VAV2: variants seen among roughly 807,000 people sequenced by gnomAD.
VAV2 encodes guanine nucleotide exchange factor VAV2.
A neutral mutation model predicts 132.5 loss-of-function variants in VAV2; 67 were observed. That is an observed-to-expected ratio of 0.51 (90% CI 0.42 to 0.62). The LOEUF (loss-of-function observed/expected upper bound fraction) is 0.62. VAV2 is among the 20% of genes least tolerant of loss of function. The pLI is 0.00. For missense variants in VAV2, 938 were observed against 1,153.6 expected (o/e 0.81, Z 2.71); for synonymous variants, 492 against 443.5 (o/e 1.11, Z -1.37).
chr9:133,888,455 T>C (rs777137321), intron 2 of VAV2, among the ~76,000 whole-genome samples: 4 of 152,196 alleles, frequency 2.6e-5, no homozygotes, highest in Non-Finnish European at 5.9e-5. Flanking sequence ...TCCAGCTCTT[T>C]TGAACCCAAG....
At chr9:133,897,326 G>C (rs927434626) in intron 2 of VAV2, among the ~76,000 whole-genome samples, 2 of 152,148 alleles carry the variant, frequency 1.3e-5, no homozygotes, top group Non-Finnish European at 2.9e-5. Context: ...CACTGGGTCA[G>C]GAGCCCAGCA....
intron 2 of VAV2, among the ~76,000 whole-genome samples, chr9:133,881,357 G>A (rs1354658558): frequency 6.6e-6 from 1 of 152,230 alleles, no homozygotes. Context: ...AGTGAGACGG[G>A]GCTTGTGAAC....
At chr9:133,936,866 A>G (rs962294872) in intron 2 of VAV2, among the ~76,000 whole-genome samples, 5 of 152,210 alleles carry the variant, frequency 3.3e-5, no homozygotes, top group Admixed American at 3.3e-4. Flanking sequence ...GGGAGACCAG[A>G]GGCCAGCATG....
intron 4 of VAV2, among the ~76,000 whole-genome samples, chr9:133,822,473 G>A (rs923552977): frequency 3.9e-5 from 6 of 152,208 alleles, no homozygotes; most frequent in Non-Finnish European, 8.8e-5. Context: ...GGGGAAGGAC[G>A]GACGGAGAGA....
intron 3 of VAV2, among the ~76,000 whole-genome samples, chr9:133,844,033 A>AC (rs2131818480): frequency 6.6e-6 from 1 of 152,030 alleles, no homozygotes; most frequent in African/African-American, 2.4e-5. Flanking sequence ...ACCCCACGTG[A>AC]CCCCCAATCC....
At chr9:133,921,117 G>A (rs1356007577) in intron 2 of VAV2, among the ~76,000 whole-genome samples, 3 of 152,186 alleles carry the variant, frequency 2.0e-5, no homozygotes, top group Non-Finnish European at 4.4e-5. Flanking sequence ...CTATTCAGAG[G>A]AGTCCTTGGA....
rs764508845 is a variant in VAV2, at chr9:133,802,923, G to T, written c.836+3158C>A. 1.8e-4 allele frequency among the ~76,000 whole-genome samples: 27 copies of T among 152,216 alleles called. No homozygotes were observed. Among genetic ancestry groups the T allele is most frequent in the Non-Finnish European group, 3.4e-4 (23 of 68,038 alleles). On this transcript the variant is annotated intron_variant, in intron 9 of 29. Transcript: ENST00000371850. The surrounding 1 kb of genome is among the most constrained non-coding windows in gnomAD (Gnocchi z 5.8). ...CCGTTTCCCCATCTGGGAAATGGGGGTTAGACAGAGCGGGAGCTGAGGCTT... is the reference window on the plus strand; with the variant it reads ...CCGTTTCCCCATCTGGGAAATGGGGTTTAGACAGAGCGGGAGCTGAGGCTT...
intron 3 of VAV2, among the ~76,000 whole-genome samples, chr9:133,843,361 T>C (rs913003418): frequency 6.6e-6 from 1 of 152,068 alleles, no homozygotes; most frequent in Admixed American, 6.5e-5. Context: ...AGCTCTGACT[T>C]TGTTTGGGTT....
chr9:133,898,129 G>C (rs538842847), intron 2 of VAV2, among the ~76,000 whole-genome samples: 1 of 152,218 alleles, frequency 6.6e-6, no homozygotes, highest in South Asian at 2.1e-4. Flanking sequence ...CTGAGGCTGG[G>C]AGGGACCTCG....
At chr9:133,982,652 TG>T (rs1461237157) in intron 1 of VAV2, among the ~76,000 whole-genome samples, 1 of 152,100 alleles carries the variant, frequency 6.6e-6, no homozygotes, top group Non-Finnish European at 1.5e-5. Flanking sequence ...GCCCACCACC[TG>T]GTTTTGCAGG....
rs1588151132 is a variant in VAV2, at chr9:133,769,343, G to C, written c.2434+74C>G. 2.0e-6 allele frequency: 3 copies of C among 1,469,356 alleles called. No homozygotes were observed. Among genetic ancestry groups the C allele is most frequent in the Admixed American group, 4.2e-5 (2 of 47,190 alleles). 91.0% of individuals were successfully genotyped at this position (1,469,356 alleles called of 1,614,324 possible). A position where few individuals can be genotyped will look rare whatever the true frequency, so the allele number is the denominator to read the frequency against. On this transcript the variant is annotated intron_variant, in intron 28 of 29. Transcript: ENST00000371850. This position sits in a 1 kb window ranked among gnomAD's most constrained non-coding sequence, Gnocchi z 8.1. ...GTCAGGCAGGGCTGTGGGGCCAGTG[G>C]GCAGCTCCGTGCTGGGTCTCCCAAG...
intron 13 of VAV2, among the ~76,000 whole-genome samples, chr9:133,791,405 C>G (rs1351231474): frequency 1.3e-5 from 2 of 152,102 alleles, no homozygotes; most frequent in African/African-American, 2.4e-5. Context: ...CAGGGGTCCA[C>G]GAACCAGGGG....
chr9:133,839,005 T>C (rs1477903838), intron 3 of VAV2, among the ~76,000 whole-genome samples: 1 of 142,672 alleles, frequency 7.0e-6, no homozygotes, highest in East Asian at 2.1e-4. Flanking sequence ...GGTGGGTAGA[T>C]GGATGGATGG....
At chr9:133,965,426 G>C (rs148386702) in intron 1 of VAV2, among the ~76,000 whole-genome samples, 18 of 149,286 alleles carry the variant, frequency 1.2e-4, no homozygotes, top group African/African-American at 3.5e-4. Flanking sequence ...TTGAACCCAC[G>C]AGATGAAGGT....
At chr9:133,847,005 A>T (rs1025439618) in intron 3 of VAV2, among the ~76,000 whole-genome samples, 5 of 152,174 alleles carry the variant, frequency 3.3e-5, no homozygotes, top group African/African-American at 1.2e-4. Context: ...GGGTGGTGCC[A>T]GCCGTGGGCC....
intron 1 of VAV2, among the ~76,000 whole-genome samples, chr9:133,972,683 G>A (rs893795739): frequency 6.6e-6 from 1 of 152,198 alleles, no homozygotes; most frequent in Non-Finnish European, 1.5e-5. Flanking sequence ...CAGATCCGAA[G>A]GCAGCGGAGG....
chr9:133,934,328 A>C (rs1184714298), intron 2 of VAV2, among the ~76,000 whole-genome samples: 1 of 152,204 alleles, frequency 6.6e-6, no homozygotes, highest in Non-Finnish European at 1.5e-5. Context: ...CATTTCCTAA[A>C]CCAGCCAGAG....
In VAV2 at chr9:133,992,283, C is replaced by G. The variant is rs779423810; in HGVS notation, c.-5G>C. 11 of 1,536,184 alleles carry G rather than the reference C, an allele frequency of 7.2e-6. No homozygotes were observed. Among genetic ancestry groups the G allele is most frequent in the Non-Finnish European group, 9.6e-6 (11 of 1,141,346 alleles). On this transcript the variant is annotated 5_prime_UTR_variant, in exon 1 of 30. Coordinates refer to ENST00000371850, the MANE Select transcript of VAV2 (RefSeq NM_001134398.2). The surrounding 1 kb of genome is among the most constrained non-coding windows in gnomAD (Gnocchi z 5.5). ...GCACTGCCGCCACTGCTCCATGGCG[C>G]CCGCGGGCCCGACCGGCTCAGGGCA... is the stretch of plus-strand genomic sequence containing the variant.
chr9:133,913,214 C>CA (rs1491442036), intron 2 of VAV2, among the ~76,000 whole-genome samples: 1 of 152,230 alleles, frequency 6.6e-6, no homozygotes, highest in African/African-American at 2.4e-5. Flanking sequence ...GGAACACCCC[C>CA]TGTGCTCCCA....
Sources: gnomAD v4.1 joint callset for allele counts (sites outside exome capture counted in the v4.1 genomes callset) on GRCh38, gnomAD v4.1.1 for gene constraint, Gnocchi (gnomAD v3.1) non-coding constraint, MANE v1.5 for transcripts, NCBI Gene and HGNC (gene_info 2026-07-23, HGNC 2026-07-21) for gene names.